The following AARSD1 variants were observed in gnomAD, a reference collection of about 807,000 sequenced individuals.
The protein encoded by AARSD1 is alanyl-tRNA synthetase domain containing 1, also known as alanyl-tRNA editing protein Aarsd1.
Under a neutral mutation model 48.7 loss-of-function variants are expected in AARSD1, and 44 were observed. The observed-to-expected ratio is 0.90, with a 90% CI of 0.71 to 1.16. The LOEUF (loss-of-function observed/expected upper bound fraction) is 1.16. Among genes scored for constraint, AARSD1 ranks in the 50% most tolerant of loss-of-function variants. The pLI is 0.00. For missense variants in AARSD1, 511 were observed against 523.1 expected, an observed-to-expected ratio of 0.98 and a Z score of 0.23; for synonymous variants, 189 against 194.9, an observed-to-expected ratio of 0.97 and a Z score of 0.25.
At chr17:42,952,747 G>A (rs914437055) in intron 10 of AARSD1, among the ~76,000 whole-genome samples, 5 of 151,576 alleles carry the variant, frequency 3.3e-5, no homozygotes, top group Non-Finnish European at 7.4e-5. Flanking sequence ...AGTGGGAAGA[G>A]TAAGTAAAGC....
intron 2 of AARSD1, chr17:42,962,298 CAAAAAAA>C: frequency 4.7e-5 from 5 of 107,046 alleles, no homozygotes; most frequent in South Asian, 3.6e-4. Context: ...GACACCATCT[CAAAAAAA>C]AAAAAAAAAA....
chr17:42,953,908 A>G (rs2049511926), intron 9 of AARSD1, 130 bp from the exon 10 acceptor site: 3 of 1,186,824 alleles, frequency 2.5e-6, no homozygotes, highest in African/African-American at 1.5e-5. Flanking sequence ...CCCTTAGCCA[A>G]GAGAGAGTAC....
intron 9 of AARSD1, 192 bp from the exon 10 acceptor site, chr17:42,953,970 CCT>C: frequency 1.5e-6 from 1 of 645,564 alleles, no homozygotes; most frequent in Admixed American, 2.9e-5. Context: ...TTGTAATCAA[CCT>C]CCAGGTTTGT....
intron 3 of AARSD1, among the ~76,000 whole-genome samples, chr17:42,960,733 A>AC (rs945908110): frequency 1.3e-5 from 2 of 151,758 alleles, no homozygotes; most frequent in African/African-American, 4.8e-5. Flanking sequence ...AAAAAAAAAA[A>AC]AAAAAAGAAA....
chr17:42,957,307 T>C, intron 3 of AARSD1, 112 bp from the exon 4 acceptor site: 5 of 1,356,682 alleles, frequency 3.7e-6, no homozygotes, highest in Non-Finnish European at 5.1e-6. Flanking sequence ...GTTGAAGACC[T>C]GCTAAGCACT....
In AARSD1 at chr17:42,950,570, C is replaced by T; in HGVS notation, c.*23G>A. On this transcript the variant is annotated 3_prime_UTR_variant, in exon 12 of 12. Transcript: ENST00000427569. ...ATTGACCAAAAGATTCCTGTGGAAACAGGAGGTGAGTGCCCTAAGCCCTCA... is the reference window on the plus strand; with the variant it reads ...ATTGACCAAAAGATTCCTGTGGAAATAGGAGGTGAGTGCCCTAAGCCCTCA... 6.4e-7 allele frequency: 1 copy of T among 1,559,838 alleles called. No homozygotes were observed. The highest frequency in any genetic ancestry group is 8.7e-7 in the Non-Finnish European group (1 of 1,149,886).
chr17:42,963,612 T>C (rs1193874056), intron 2 of AARSD1, among the ~76,000 whole-genome samples: 1 of 152,008 alleles, frequency 6.6e-6, no homozygotes, highest in Non-Finnish European at 1.5e-5. Flanking sequence ...TTCAGGAACA[T>C]CTTTTTCAGT....
chr17:42,955,436 C>CT (rs34063248), intron 7 of AARSD1: 77,481 of 281,610 alleles, frequency 0.28, 9,483 homozygotes, highest in Admixed American at 0.42. Context: ...AGCACTTGAT[C>CT]TTTTTTTTTT....
chr17:42,956,495 G>A lies in AARSD1; in HGVS notation c.455C>T (p.Ala152Val). ...DTPSMTAEQV[A>V]AIEQSVNEKI... ...TTCATTGACGCTCTGCTCAATGGCA[G>A]CTACTTGCTCTGCAGTCATAGAGGG... Residue 152 changes from alanine to valine, a missense_variant, in exon 5 of 12, where the codon GCT becomes GTT. Transcript: ENST00000427569. 6.2e-7 allele frequency: 1 copy of A among 1,614,020 alleles called. No individual in the cohort carries two copies. Among genetic ancestry groups the A allele is most frequent in the Non-Finnish European group, 8.5e-7 (1 of 1,180,018 alleles).
intron 11 of AARSD1, among the ~76,000 whole-genome samples, chr17:42,951,328 G>T (rs2049476118): frequency 6.6e-6 from 1 of 152,138 alleles, no homozygotes; most frequent in South Asian, 2.1e-4. Flanking sequence ...AAGGCAGGTG[G>T]ATCACTTGAG....
At chr17:42,957,895 G>C (rs950380179) in intron 3 of AARSD1, among the ~76,000 whole-genome samples, 1 of 151,994 alleles carries the variant, frequency 6.6e-6, no homozygotes, top group African/African-American at 2.4e-5. Context: ...GAGTGATGAT[G>C]AGGAGAAAGA....
In AARSD1 at chr17:42,951,794, A is replaced by G. The variant is rs2049482160; in HGVS notation, c.1103+6T>C. 1.2e-6 allele frequency: 2 copies of G among 1,613,954 alleles called. No homozygotes were observed. Among genetic ancestry groups the G allele is most frequent in the Non-Finnish European group, 1.7e-6 (2 of 1,179,984 alleles). On this transcript the variant is annotated splice_donor_region_variant and intron_variant, in intron 11 of 11. Coordinates refer to ENST00000427569, the MANE Select transcript of AARSD1 (RefSeq NM_001261434.2). ...TACATGTGCAAGAGAGTCCACAAAGAATTACCTGGGCCCCAGGGTCTCCAC... is the reference window on the plus strand; with the variant it reads ...TACATGTGCAAGAGAGTCCACAAAGGATTACCTGGGCCCCAGGGTCTCCAC...
intron 10 of AARSD1, among the ~76,000 whole-genome samples, chr17:42,953,116 A>C (rs1365266682): frequency 6.6e-6 from 1 of 152,162 alleles, no homozygotes; most frequent in African/African-American, 2.4e-5. Context: ...AGTAGCTGGG[A>C]TTACAGGCGC....
intron 3 of AARSD1, 153 bp from the exon 4 acceptor site, chr17:42,957,348 A>G: frequency 1.1e-6 from 1 of 919,818 alleles, no homozygotes; most frequent in South Asian, 2.1e-5. Flanking sequence ...TTTATTGAAA[A>G]TCACAATGAG....
At position 42,954,888 on chromosome 17, in the gene AARSD1, A is replaced by G. The variant is rs150010039; in HGVS notation, c.941T>C (p.Val314Ala). The change falls in exon 9 of 12, where the codon GTC becomes GCC. Residue 314 changes from valine to alanine, a missense_variant. Coordinates refer to ENST00000427569, the MANE Select transcript of AARSD1 (RefSeq NM_001261434.2). Reference sequence around the variant, plus strand: ...CCTAATTTCTCACCTGTGTAATATGACCACACCTCCCCAGTCTGGACTGTT... The same window carrying G: ...CCTAATTTCTCACCTGTGTAATATGGCCACACCTCCCCAGTCTGGACTGTT... The part of the protein sequence containing the change: ...LRNSPDWGGV[V>A]ILHRKEGDSE... The G allele has an allele frequency of 1.4e-4, 218 of 1,614,032 alleles. 1 individual carries two copies. Among genetic ancestry groups the G allele is most frequent in the South Asian group, 5.4e-4 (49 of 91,078 alleles).
chr17:42,953,907 AAG>A, intron 9 of AARSD1, 129 bp from the exon 10 acceptor site: 2 of 1,190,048 alleles, frequency 1.7e-6, no homozygotes, highest in Admixed American at 1.9e-5. Flanking sequence ...TCCCTTAGCC[AAG>A]AGAGAGTACT....
intron 2 of AARSD1, among the ~76,000 whole-genome samples, 175 bp from the exon 3 acceptor site, chr17:42,961,526 C>G (rs2670865): frequency 0.94 from 142,566 of 152,270 alleles, 67,469 homozygotes; most frequent in East Asian, 1. Flanking sequence ...CAGTCCTTTT[C>G]ATTCTAAACA....
At chr17:42,957,280 G>C in intron 3 of AARSD1, 85 bp from the exon 4 acceptor site, 2 of 1,557,724 alleles carry the variant, frequency 1.3e-6, no homozygotes, top group Non-Finnish European at 1.8e-6. Flanking sequence ...AATGATAAAA[G>C]CACAGAAATT....
chr17:42,955,218 T>C lies in AARSD1; in HGVS notation c.801A>G (p.Gly267=). 1 of 1,614,016 alleles carries C rather than the reference T, an allele frequency of 6.2e-7. No homozygotes were observed. Among genetic ancestry groups the C allele is most frequent in the Non-Finnish European group, 8.5e-7 (1 of 1,180,014 alleles). ...TCACTGCTTCCACATGATCCTCTGC[T>C]CCACACCTGAAAGAGAAAGGTCAGA... is the stretch of plus-strand genomic sequence containing the variant. ...EKALTALLKC[G]AEDHVEAVKK... The change falls in exon 8 of 12, where the codon GGA becomes GGG. Residue 267 remains glycine, a synonymous_variant. Coordinates refer to ENST00000427569, the MANE Select transcript of AARSD1 (RefSeq NM_001261434.2).
Sources: allele counts gnomAD v4.1 joint callset (sites outside exome capture counted in the v4.1 genomes callset), GRCh38; gene constraint gnomAD v4.1.1; transcripts MANE v1.5; gene names NCBI Gene and HGNC (gene_info 2026-07-23, HGNC 2026-07-21).